Variants in NMS observed in about 807,000 individuals in gnomAD.
NMS encodes neuromedin S, also known as neuromedin-S.
In NMS, 30 loss-of-function variants were observed where a neutral mutation model predicts 32.2. The observed-to-expected ratio is 0.93, with a 90% confidence interval of 0.70 to 1.26. NMS has a LOEUF of 1.26. Among genes scored for constraint, NMS ranks in the 50% most tolerant of loss-of-function variants. The probability of loss-of-function intolerance (pLI) is 0.00; values close to 1 mark genes in which losing one functional copy is unlikely to be tolerated. For missense variants in NMS, 190 were observed against 186.3 expected, an observed-to-expected ratio of 1.02 and a Z score of -0.12; for synonymous variants, 76 against 58.5, an observed-to-expected ratio of 1.30 and a Z score of -1.37.
intron 3 of NMS, among the ~76,000 whole-genome samples, chr2:100,475,871 T>C (rs1490151190): frequency 1.3e-5 from 2 of 151,654 alleles, no homozygotes; most frequent in African/African-American, 4.8e-5. Context: ...TGGTGGCGTG[T>C]GCCTGTAATC....
intron 6 of NMS, among the ~76,000 whole-genome samples, chr2:100,479,726 T>C (rs1677180448): frequency 6.6e-6 from 1 of 152,016 alleles, no homozygotes; most frequent in East Asian, 1.9e-4. Flanking sequence ...GTTTTGTACT[T>C]TTTTTTTCAC....
At chr2:100,470,955 T>C (rs1013089418) in intron 1 of NMS, among the ~76,000 whole-genome samples, 1 of 151,916 alleles carries the variant, frequency 6.6e-6, no homozygotes, top group African/African-American at 2.4e-5. Flanking sequence ...CCCCAGAGAG[T>C]GGAAATTGAT....
intron 8 of NMS, among the ~76,000 whole-genome samples, chr2:100,482,031 G>T (rs547783523): frequency 5.9e-5 from 9 of 152,298 alleles, no homozygotes; most frequent in African/African-American, 1.7e-4. Context: ...AGACTAAAGG[G>T]GGGGGATGAT....
chr2:100,481,561 G>A (rs968049749), intron 8 of NMS, among the ~76,000 whole-genome samples: 1 of 152,228 alleles, frequency 6.6e-6, no homozygotes, highest in Non-Finnish European at 1.5e-5. Flanking sequence ...AGGTCACAGA[G>A]TCAGAAGAGT....
intron 2 of NMS, 67 bp downstream of exon 2, chr2:100,472,917 T>A: frequency 9.8e-7 from 1 of 1,021,290 alleles, no homozygotes; most frequent in South Asian, 1.4e-5. Flanking sequence ...ATGTGTATAA[T>A]GTTCACTTAA....
In NMS at chr2:100,482,313, T is replaced by C. The variant is rs759343231; in HGVS notation, c.449+2T>C. On this transcript the variant is annotated splice_donor_variant, in intron 9 of 9. Transcript: ENST00000376865. LOFTEE classifies it high-confidence loss of function. ...AAGAAACATTGAAGATGAGGCCCAGTAGGTAGTCCAAGATCAGCTTCATCA... is the reference window on the plus strand; with the variant it reads ...AAGAAACATTGAAGATGAGGCCCAGCAGGTAGTCCAAGATCAGCTTCATCA... The C allele has an allele frequency of 1.9e-6, 3 of 1,613,632 alleles. No individual in the cohort carries two copies. The highest frequency in any genetic ancestry group is 2.2e-5 in the East Asian group (1 of 44,878).
At chr2:100,481,553 G>A (rs1443720661) in intron 8 of NMS, among the ~76,000 whole-genome samples, 1 of 152,266 alleles carries the variant, frequency 6.6e-6, no homozygotes, top group African/African-American at 2.4e-5. Context: ...TCTTGCAAAG[G>A]TCACAGAGTC....
intron 6 of NMS, among the ~76,000 whole-genome samples, chr2:100,479,741 CCT>C (rs1348776534): frequency 1.3e-5 from 2 of 152,166 alleles, no homozygotes; most frequent in Non-Finnish European, 2.9e-5. Context: ...TTTCACTTCC[CCT>C]GTCTCTTTCT....
chr2:100,478,368 T>TA (rs1220394557), intron 5 of NMS, among the ~76,000 whole-genome samples: 2 of 152,196 alleles, frequency 1.3e-5, no homozygotes, highest in African/African-American at 4.8e-5. Flanking sequence ...AGAGGATCCT[T>TA]AAAAAAGCAA....
chr2:100,477,658 A>G (rs890941411), intron 5 of NMS, among the ~76,000 whole-genome samples: 5 of 152,208 alleles, frequency 3.3e-5, no homozygotes, highest in Non-Finnish European at 5.9e-5. Context: ...AAAAATAAGT[A>G]GGAAATAACC....
chr2:100,471,283 G>A (rs976112484), intron 1 of NMS, among the ~76,000 whole-genome samples: 2 of 152,210 alleles, frequency 1.3e-5, no homozygotes, highest in African/African-American at 4.8e-5. Flanking sequence ...TTTTCCATTA[G>A]AATTTTGACT....
chr2:100,481,119 G>T lies in NMS; in HGVS notation c.373-7G>T. On this transcript the variant is annotated splice_polypyrimidine_tract_variant and splice_region_variant and intron_variant, in intron 7 of 9. Coordinates refer to ENST00000376865, the MANE Select transcript of NMS (RefSeq NM_001011717.1). Reference sequence around the variant, plus strand: ...TGCATAATGGCTTGTGTTTCTATATGTTGCAGGATCACACTGCGACCTGGG... The same window carrying T: ...TGCATAATGGCTTGTGTTTCTATATTTTGCAGGATCACACTGCGACCTGGG... 1.2e-6 allele frequency: 2 copies of T among 1,613,994 alleles called. No homozygotes were observed. The highest frequency in any genetic ancestry group is 1.7e-6 in the Non-Finnish European group (2 of 1,179,894).
chr2:100,477,189 C>T (rs529211468), intron 3 of NMS, 55 bp from the exon 4 acceptor site: 15 of 1,482,832 alleles, frequency 1.0e-5, no homozygotes, highest in South Asian at 4.5e-5. Flanking sequence ...AAACGTTATC[C>T]GTTACCTGCC....
At chr2:100,482,087 C>T (rs550021121) in intron 8 of NMS, among the ~76,000 whole-genome samples, 190 bp from the exon 9 acceptor site, 1 of 152,288 alleles carries the variant, frequency 6.6e-6, no homozygotes, top group African/African-American at 2.4e-5. Context: ...TCCTGGAGCA[C>T]TGTCCCAGAG....
At chr2:100,480,384 C>A in intron 6 of NMS, 112 bp from the exon 7 acceptor site, 1 of 1,097,112 alleles carries the variant, frequency 9.1e-7, no homozygotes, top group Non-Finnish European at 1.4e-6. Flanking sequence ...TCTTTTGCAC[C>A]AGACTTCTGA....
intron 1 of NMS, among the ~76,000 whole-genome samples, chr2:100,472,204 T>C (rs1365542992): frequency 6.6e-6 from 1 of 152,364 alleles, no homozygotes; most frequent in South Asian, 2.1e-4. Flanking sequence ...ACCTATCCAA[T>C]TGATTCTTTC....
At chr2:100,471,010 G>T (rs545292058) in intron 1 of NMS, among the ~76,000 whole-genome samples, 61 of 152,334 alleles carry the variant, frequency 4.0e-4, no homozygotes, top group African/African-American at 1.4e-3. Flanking sequence ...CTGGAAAAAG[G>T]AATCTTTCCC....
rs2104328983 is a variant in NMS, at chr2:100,470,484, T to C, written c.-5T>C. 1 of 1,612,976 alleles carries C rather than the reference T, an allele frequency of 6.2e-7. No homozygotes were observed. Among genetic ancestry groups the C allele is most frequent in the Non-Finnish European group, 8.5e-7 (1 of 1,179,050 alleles). On this transcript the variant is annotated 5_prime_UTR_variant, in exon 1 of 10. Transcript: ENST00000376865. ...TGGCCAGCAAGGAGAAACCAGACTC[T>C]CACAATGAAACATCTTCGTCCCCAG...
At position 100,477,349 on chromosome 2, in the gene NMS, T is replaced by C; in HGVS notation, c.208-12T>C. On this transcript the variant is annotated splice_polypyrimidine_tract_variant and intron_variant, in intron 4 of 9. Coordinates refer to ENST00000376865, the MANE Select transcript of NMS (RefSeq NM_001011717.1). The stretch of plus-strand genomic sequence containing the variant: ...ACACTCGATACTAATATCACTTTCT[T>C]TTCTTATTTAGTTTTTGTTTCACTA... 1 of 1,612,970 alleles carries C rather than the reference T, an allele frequency of 6.2e-7. No homozygotes were observed.
Sources: allele counts gnomAD v4.1 joint callset (sites outside exome capture counted in the v4.1 genomes callset), GRCh38; gene constraint gnomAD v4.1.1; transcripts MANE v1.5; gene names NCBI Gene and HGNC (gene_info 2026-07-23, HGNC 2026-07-21).